The following NTM variants were observed in gnomAD, a reference collection of about 807,000 sequenced individuals.
The protein encoded by NTM is neurotrimin.
A neutral mutation model predicts 42.1 loss-of-function variants in NTM; 13 were observed. The observed-to-expected ratio is 0.31, with a 90% CI of 0.20 to 0.49. NTM has a LOEUF of 0.49. Among genes scored for constraint, NTM ranks in the 20% least tolerant of loss-of-function variants. NTM has a pLI of 0.99. For synonymous variants in NTM, 187 were observed against 179.2 expected, an observed-to-expected ratio of 1.04 and a Z score of -0.35; for missense variants, 373 against 452.8, an observed-to-expected ratio of 0.82 and a Z score of 1.60.
At chr11:132,053,594 C>G (rs1381077216) in intron 2 of NTM, among the ~76,000 whole-genome samples, 1 of 152,158 alleles carries the variant, frequency 6.6e-6, no homozygotes, top group Non-Finnish European at 1.5e-5. Flanking sequence ...GGACAGGAGG[C>G]AGACCTTATC....
chr11:132,120,642 T>A (rs909332578), intron 2 of NTM, among the ~76,000 whole-genome samples: 2 of 152,222 alleles, frequency 1.3e-5, no homozygotes, highest in Non-Finnish European at 2.9e-5. Flanking sequence ...TCTTTCTTCA[T>A]CTGGTAGTAG....
chr11:132,159,323 G>A (rs949672395), intron 3 of NTM, among the ~76,000 whole-genome samples: 7 of 152,132 alleles, frequency 4.6e-5, no homozygotes, highest in Non-Finnish European at 7.3e-5. Context: ...TAAGAGACGC[G>A]TTTATTCTCC....
At chr11:131,513,753 G>A (rs2048543331) in intron 1 of NTM, among the ~76,000 whole-genome samples, 1 of 152,216 alleles carries the variant, frequency 6.6e-6, no homozygotes. Flanking sequence ...GAGTCCTTGG[G>A]AGCTGAAAAT....
At chr11:132,232,566 G>C (rs984641345) in intron 4 of NTM, among the ~76,000 whole-genome samples, 1 of 152,158 alleles carries the variant, frequency 6.6e-6, no homozygotes, top group Non-Finnish European at 1.5e-5. Context: ...TTGCCTCTTT[G>C]CTCTGCCAGT....
At chr11:131,519,673 C>T (rs2049354263) in intron 1 of NTM, among the ~76,000 whole-genome samples, 1 of 143,508 alleles carries the variant, frequency 7.0e-6, no homozygotes, top group Non-Finnish European at 1.5e-5. Flanking sequence ...TTCAGGTCTT[C>T]ATAGGAGGCT....
intron 7 of NTM, chr11:132,315,136 G>A: frequency 1.1e-6 from 1 of 928,700 alleles, no homozygotes; most frequent in Non-Finnish European, 1.3e-6. Flanking sequence ...TCATAATTGG[G>A]TAAAATAGTC....
At chr11:131,983,066 T>G (rs1053424294) in intron 2 of NTM, among the ~76,000 whole-genome samples, 1 of 151,982 alleles carries the variant, frequency 6.6e-6, no homozygotes, top group Non-Finnish European at 1.5e-5. Context: ...TTTTTTTTTT[T>G]TAGTCATACT....
At chr11:131,777,959 T>C (rs73595124) in intron 1 of NTM, among the ~76,000 whole-genome samples, 3,988 of 152,282 alleles carry the variant, frequency 0.026, 177 homozygotes, top group African/African-American at 0.092. Flanking sequence ...TTATGATGCA[T>C]AGATCATTGG....
intron 2 of NTM, among the ~76,000 whole-genome samples, chr11:132,071,338 A>G (rs1192593606): frequency 7.0e-6 from 1 of 143,702 alleles, no homozygotes; most frequent in Non-Finnish European, 1.5e-5. Context: ...AGGTTAGTTA[A>G]CACGTCACTC....
intron 2 of NTM, among the ~76,000 whole-genome samples, chr11:132,044,025 T>C (rs1378826031): frequency 2.0e-5 from 3 of 151,576 alleles, no homozygotes; most frequent in East Asian, 1.9e-4. Context: ...TATATATGTG[T>C]GTATGTGTGT....
intron 2 of NTM, among the ~76,000 whole-genome samples, chr11:132,103,402 T>C (rs1015316599): frequency 2.0e-5 from 3 of 152,234 alleles, no homozygotes; most frequent in African/African-American, 7.2e-5. Context: ...AGCACACCAC[T>C]ACAAATACAG....
chr11:131,704,173 A>C (rs938832424), intron 1 of NTM, among the ~76,000 whole-genome samples: 3 of 152,212 alleles, frequency 2.0e-5, no homozygotes, highest in Non-Finnish European at 1.5e-5. Flanking sequence ...ACCTGGCTCT[A>C]GGTTCATCTC....
chr11:131,933,986 C>T (rs138748008), intron 2 of NTM, among the ~76,000 whole-genome samples: 12 of 152,138 alleles, frequency 7.9e-5, no homozygotes, highest in East Asian at 3.9e-4. Flanking sequence ...GATGCAGAGA[C>T]GTGGAGGAGT....
At chr11:131,538,925 T>TTTTTC (rs2052726042) in intron 1 of NTM, among the ~76,000 whole-genome samples, 1 of 148,406 alleles carries the variant, frequency 6.7e-6, no homozygotes, top group Admixed American at 6.7e-5. Context: ...ACTTAGCTTT[T>TTTTTC]TTTTTTTTTT....
chr11:132,048,344 G>C (rs1280948335), intron 2 of NTM, among the ~76,000 whole-genome samples: 3 of 152,176 alleles, frequency 2.0e-5, no homozygotes, highest in Non-Finnish European at 4.4e-5. Context: ...AGTTTGTAAA[G>C]ATCTCTGGGT....
rs531729963 is a variant in NTM, at chr11:131,597,675, C to G, written c.82+226787C>G. ...CTCAGTGTCTCCACAGAAATCACCC[C>G]TTTTCAGGTGCCCCAGAGTGAGGGG... On this transcript the variant is annotated intron_variant, in intron 1 of 8. Coordinates refer to ENST00000683400, the MANE Select transcript of NTM (RefSeq NM_001352005.2). Among the ~76,000 whole-genome samples the G allele has an allele frequency of 2.0e-5, 3 of 152,332 alleles. 1 individual carries two copies. In the South Asian group the frequency reaches 6.2e-4, roughly 32 times the overall value.
chr11:132,300,845 AC>A (rs949404680), intron 4 of NTM, among the ~76,000 whole-genome samples: 2 of 151,786 alleles, frequency 1.3e-5, no homozygotes, highest in Non-Finnish European at 2.9e-5. Flanking sequence ...TTCTTGTGCC[AC>A]CCCCTTTGAC....
intron 1 of NTM, among the ~76,000 whole-genome samples, chr11:131,816,759 C>T (rs770567164): frequency 1.1e-4 from 17 of 152,062 alleles, no homozygotes; most frequent in Non-Finnish European, 2.5e-4. Flanking sequence ...CTATTCAGAG[C>T]TAAATTGGGC....
In NTM at chr11:132,275,514, T is replaced by A. The variant is rs1309813642; in HGVS notation, c.527-32175T>A. Among the ~76,000 whole-genome samples, 4 of 151,408 alleles carry A rather than the reference T, an allele frequency of 2.6e-5. No individual in the cohort carries two copies. In the East Asian group the frequency reaches 5.8e-4, roughly 22 times the overall value. ...CTTTTTTTTCATTTTTTGAAATGAA[T>A]TTTTTTTCATTTTTTGCTCATTCTG... On this transcript the variant is annotated intron_variant, in intron 4 of 8. Coordinates refer to ENST00000683400, the MANE Select transcript of NTM (RefSeq NM_001352005.2).
Sources: allele counts gnomAD v4.1 joint callset (sites outside exome capture counted in the v4.1 genomes callset), GRCh38; gene constraint gnomAD v4.1.1; transcripts MANE v1.5; gene names NCBI Gene and HGNC (gene_info 2026-07-23, HGNC 2026-07-21).